Variants in MBD5 observed in about 807,000 individuals in gnomAD.
MBD5 encodes methyl-CpG binding domain protein 5, also known as methyl-CpG-binding domain protein 5.
A neutral mutation model predicts 117.3 loss-of-function variants in MBD5; 13 were observed. The observed-to-expected ratio is 0.11, with a 90% CI of 0.07 to 0.18. The LOEUF (loss-of-function observed/expected upper bound fraction) is 0.18. MBD5 is among the 10% of genes least tolerant of loss of function. MBD5 has a pLI of 1.00. For synonymous variants in MBD5, 727 were observed against 766.4 expected (o/e 0.95, Z 0.85); for missense variants, 1,879 against 2,093.8 (o/e 0.90, Z 2.00).
At chr2:148,031,578 A>G (rs1037131890) in intron 1 of MBD5, among the ~76,000 whole-genome samples, 1 of 152,138 alleles carries the variant, frequency 6.6e-6, no homozygotes, top group African/African-American at 2.4e-5. Context: ...GAAATAATAT[A>G]CCGTACCTTT....
At chr2:148,456,989 G>A (rs1403029889) in intron 4 of MBD5, among the ~76,000 whole-genome samples, 1 of 152,138 alleles carries the variant, frequency 6.6e-6, no homozygotes, top group African/African-American at 2.4e-5. Context: ...TTTTAGGAAT[G>A]TAGTTAAGTA....
At chr2:148,034,782 T>A (rs572315951) in intron 1 of MBD5, among the ~76,000 whole-genome samples, 2 of 152,240 alleles carry the variant, frequency 1.3e-5, no homozygotes, top group East Asian at 3.9e-4. Flanking sequence ...GAAAGAAAGG[T>A]CATGAAAATT....
At chr2:148,202,096 C>G (rs542320167) in intron 2 of MBD5, among the ~76,000 whole-genome samples, 96 of 152,316 alleles carry the variant, frequency 6.3e-4, no homozygotes, top group Non-Finnish European at 1.1e-3. Context: ...CTGCCTCCTG[C>G]CACTATCACT....
At chr2:148,401,005 G>C (rs1026273916) in intron 4 of MBD5, among the ~76,000 whole-genome samples, 5 of 152,216 alleles carry the variant, frequency 3.3e-5, no homozygotes, top group South Asian at 4.1e-4. Context: ...TGGTTGTTTA[G>C]TCAATAATAA....
intron 1 of MBD5, among the ~76,000 whole-genome samples, chr2:148,066,761 A>G (rs539657836): frequency 6.6e-6 from 1 of 152,330 alleles, no homozygotes; most frequent in African/African-American, 2.4e-5. Flanking sequence ...TATAGGCAAG[A>G]GCCACTGTGC....
At chr2:148,118,157 G>A (rs1366754014) in intron 1 of MBD5, among the ~76,000 whole-genome samples, 2 of 152,132 alleles carry the variant, frequency 1.3e-5, no homozygotes, top group Non-Finnish European at 2.9e-5. Context: ...AACAGAGAAT[G>A]AGAGAATATC....
chr2:148,486,759 A>G (rs1258279687), intron 10 of MBD5, among the ~76,000 whole-genome samples: 1 of 152,244 alleles, frequency 6.6e-6, no homozygotes, highest in East Asian at 1.9e-4. Flanking sequence ...TACATAAATT[A>G]TCACACTAAT....
chr2:148,205,278 C>T (rs1395860278), intron 2 of MBD5, among the ~76,000 whole-genome samples: 5 of 151,914 alleles, frequency 3.3e-5, no homozygotes, highest in East Asian at 1.9e-4. Flanking sequence ...TTAGTAGAGA[C>T]GGGGTTTTAC....
intron 2 of MBD5, among the ~76,000 whole-genome samples, chr2:148,215,960 C>G (rs1699543367): frequency 6.6e-6 from 1 of 151,954 alleles, no homozygotes; most frequent in African/African-American, 2.4e-5. Flanking sequence ...TTTAAGAAAT[C>G]CTCCCTCTGC....
intron 12 of MBD5, among the ~76,000 whole-genome samples, chr2:148,508,048 A>T (rs192719423): frequency 6.6e-6 from 1 of 152,238 alleles, no homozygotes; most frequent in Admixed American, 6.5e-5. Context: ...CATTACACAC[A>T]GTGCGATATT....
chr2:148,325,603 A>G (rs1702424590), intron 3 of MBD5, among the ~76,000 whole-genome samples: 1 of 151,892 alleles, frequency 6.6e-6, no homozygotes, highest in Admixed American at 6.6e-5. Context: ...TTTCTTCTAG[A>G]TTTTCTAGTA....
intron 5 of MBD5, among the ~76,000 whole-genome samples, chr2:148,460,057 A>G (rs1707020426): frequency 6.6e-6 from 1 of 152,204 alleles, no homozygotes; most frequent in South Asian, 2.1e-4. Context: ...ACAAAGTACC[A>G]GAAATACTTT....
intron 1 of MBD5, among the ~76,000 whole-genome samples, chr2:148,151,745 T>C (rs1265682779): frequency 6.6e-6 from 1 of 152,176 alleles, no homozygotes; most frequent in Non-Finnish European, 1.5e-5. Flanking sequence ...GTTTGTAGTA[T>C]TCTCTGATGG....
intron 3 of MBD5, among the ~76,000 whole-genome samples, chr2:148,320,994 C>A (rs914888112): frequency 7.2e-5 from 11 of 151,866 alleles, no homozygotes; most frequent in African/African-American, 2.7e-4. Flanking sequence ...CTATTTGATA[C>A]CTTACATTTT....
chr2:148,391,537 C>A (rs545288160), intron 4 of MBD5, among the ~76,000 whole-genome samples: 1 of 152,138 alleles, frequency 6.6e-6, no homozygotes, highest in South Asian at 2.1e-4. Context: ...TAATGTTTTT[C>A]TTTTGACATC....
At chr2:148,318,700 A>G (rs982478925) in intron 3 of MBD5, among the ~76,000 whole-genome samples, 1 of 152,116 alleles carries the variant, frequency 6.6e-6, no homozygotes. Flanking sequence ...CTTGTTGAAT[A>G]GGATGTACTT....
intron 7 of MBD5, among the ~76,000 whole-genome samples, chr2:148,468,126 G>A (rs951151015): frequency 1.3e-5 from 2 of 151,968 alleles, no homozygotes; most frequent in Non-Finnish European, 2.9e-5. Context: ...GGTCAACAAA[G>A]GGAAAATAAT....
chr2:148,174,611 T>A (rs12998923), intron 1 of MBD5, among the ~76,000 whole-genome samples: 144,355 of 151,058 alleles, frequency 0.96, 69,301 homozygotes, highest in East Asian at 1. Context: ...AAGAAAATTT[T>A]AAAAAAAAAC....
chr2:148,077,446 G>A (rs1012245694), intron 1 of MBD5, among the ~76,000 whole-genome samples: 2 of 152,166 alleles, frequency 1.3e-5, no homozygotes, highest in African/African-American at 4.8e-5. Flanking sequence ...TAGCAACCAA[G>A]AGGATACCTG....
Sources: allele counts gnomAD v4.1 joint callset (sites outside exome capture counted in the v4.1 genomes callset), GRCh38; gene constraint gnomAD v4.1.1; transcripts MANE v1.5; gene names NCBI Gene and HGNC (gene_info 2026-07-23, HGNC 2026-07-21).